The following EVC2 variants were observed in gnomAD, a reference collection of about 807,000 sequenced individuals.
EVC2 encodes the protein limbin.
EVC2 carries 148 observed loss-of-function variants against 149.3 expected under a neutral mutation model. That is an observed-to-expected ratio of 0.99 (90% CI 0.87 to 1.14). The LOEUF is 1.14. Among genes scored for constraint, EVC2 ranks in the 50% most tolerant of loss-of-function variants. EVC2 has a pLI of 0.00. For missense variants in EVC2, 1,854 were observed against 1,627.3 expected (o/e 1.14, Z -2.40); for synonymous variants, 776 against 649.9 (o/e 1.19, Z -2.95).
intron 17 of EVC2, among the ~76,000 whole-genome samples, chr4:5,580,778 T>C (rs1248834593): frequency 6.6e-6 from 1 of 152,218 alleles, no homozygotes; most frequent in Admixed American, 6.5e-5. Context: ...TGAATGGGTG[T>C]TAAATTCAAT....
chr4:5,584,622 C>G lies in EVC2; in HGVS notation c.3057+1G>C. The G allele has an allele frequency of 6.2e-7, 1 of 1,612,494 alleles. No individual in the cohort carries two copies. Among genetic ancestry groups the G allele is most frequent in the Non-Finnish European group, 8.5e-7 (1 of 1,179,380 alleles). On this transcript the variant is annotated splice_donor_variant, in intron 17 of 21. Coordinates refer to ENST00000344408, the MANE Select transcript of EVC2 (RefSeq NM_147127.5). LOFTEE classifies it high-confidence loss of function. Reference sequence around the variant, plus strand: ...CTCTCCTTCCCAGCGCCTGCACTCACCCGGCTGTGCGACTCCAGGATCTGT... The same window carrying G: ...CTCTCCTTCCCAGCGCCTGCACTCAGCCGGCTGTGCGACTCCAGGATCTGT...
At chr4:5,699,139 G>A (rs1721668367) in intron 1 of EVC2, among the ~76,000 whole-genome samples, 1 of 152,174 alleles carries the variant, frequency 6.6e-6, no homozygotes, top group African/African-American at 2.4e-5. Context: ...GGAGACTCCT[G>A]GAGGGACACG....
intron 10 of EVC2, among the ~76,000 whole-genome samples, chr4:5,632,872 T>C (rs1716653849): frequency 6.6e-6 from 1 of 152,164 alleles, no homozygotes; most frequent in Non-Finnish European, 1.5e-5. Flanking sequence ...GATTCTGGAA[T>C]GGCCCCTGAT....
intron 19 of EVC2, among the ~76,000 whole-genome samples, chr4:5,570,279 A>C (rs138885390): frequency 0.013 from 1,938 of 152,162 alleles, 17 homozygotes; most frequent in Non-Finnish European, 0.019. Flanking sequence ...CTGCAGATTC[A>C]CCTCTTCCTG....
chr4:5,675,035 G>A (rs1054668905), intron 7 of EVC2, among the ~76,000 whole-genome samples: 4 of 152,284 alleles, frequency 2.6e-5, no homozygotes, highest in African/African-American at 4.8e-5. Context: ...GACACGGGCC[G>A]CCACTGTGCT....
intron 3 of EVC2, among the ~76,000 whole-genome samples, chr4:5,693,723 T>C (rs779415070): frequency 6.6e-6 from 1 of 152,234 alleles, no homozygotes; most frequent in Non-Finnish European, 1.5e-5. Flanking sequence ...TTGGCCATCG[T>C]AGCTCATTGG....
chr4:5,541,895 T>G (rs1205501088), downstream of EVC2, among the ~76,000 whole-genome samples: 1 of 152,068 alleles, frequency 6.6e-6, no homozygotes, highest in Non-Finnish European at 1.5e-5. Flanking sequence ...TCCCGAGCAA[T>G]GGACTGAATG....
rs76244489 is a variant in EVC2, at chr4:5,568,785, T to A, written c.3361-145A>T. ...GTCTGGAAAACATGTTCCCGAACTT[T>A]CAGAGCTGTCAAAAAAAACCTATTT... On this transcript the variant is annotated intron_variant, in intron 19 of 21. Coordinates refer to ENST00000344408, the MANE Select transcript of EVC2 (RefSeq NM_147127.5). 2,428 of 1,090,294 alleles carry A rather than the reference T, an allele frequency of 2.2e-3. 47 individuals are homozygous for A. The African/African-American group carries it at 0.034, about 15-fold the overall frequency. 67.5% of individuals were successfully genotyped at this position (1,090,294 alleles called of 1,614,324 possible). A position where few individuals can be genotyped will look rare whatever the true frequency, so the allele number is the denominator to read the frequency against.
chr4:5,549,852 G>T (rs1721699587), intron 21 of EVC2, among the ~76,000 whole-genome samples: 1 of 152,184 alleles, frequency 6.6e-6, no homozygotes, highest in Admixed American at 6.5e-5. Flanking sequence ...GTTGTGGGAG[G>T]TAATTGAATC....
intron 16 of EVC2, among the ~76,000 whole-genome samples, chr4:5,605,167 T>C (rs1241028202): frequency 1.3e-5 from 2 of 152,224 alleles, no homozygotes; most frequent in African/African-American, 4.8e-5. Context: ...CTGTCAACAG[T>C]AGGCTATTAG....
rs1172004567 is a variant in EVC2, at chr4:5,562,879, T to C, written c.3896A>G (p.Lys1299Arg). Residue 1299 changes from lysine to arginine, a missense_variant, in exon 22 of 22, where the codon AAA becomes AGA. By Grantham distance (26) the Lys-to-Arg change is conservative. Coordinates refer to ENST00000344408, the MANE Select transcript of EVC2 (RefSeq NM_147127.5). This position sits in a 1 kb window ranked among gnomAD's most constrained non-coding sequence, Gnocchi z 4.3. ...CATGCCCAAGGCCCTCATGGCCTTT[T>C]TGGCATTCAAAAAGTTCTTCTTTTT... ...PRKKKNFLNA[K>R]KAMRALGMD The C allele has an allele frequency of 6.2e-7, 1 of 1,614,190 alleles. No homozygotes were observed. The highest frequency in any genetic ancestry group is 1.7e-5 in the Admixed American group (1 of 60,032).
chr4:5,618,605 G>A lies in EVC2; in HGVS notation c.2579C>T (p.Ala860Val), dbSNP rs749754185. The A allele has an allele frequency of 1.9e-6, 3 of 1,613,736 alleles. No homozygotes were observed. The Admixed American group carries it at 5.0e-5, about 27-fold the overall frequency. The change falls in exon 15 of 22, where the codon GCT becomes GTT. Residue 860 changes from alanine to valine, a missense_variant. Coordinates refer to ENST00000344408, the MANE Select transcript of EVC2 (RefSeq NM_147127.5). The surrounding 1 kb of genome is among the most constrained non-coding windows in gnomAD (Gnocchi z 4.4). ...RMRQEVHGCF[A>V]QMDRSLALPK... ...GAGGGCCAAGCTCCTGTCCATCTGA[G>A]CAAAGCAGCCATGGACCTCCTGCCT...
At chr4:5,701,824 T>C (rs62298619) in intron 1 of EVC2, among the ~76,000 whole-genome samples, 44,240 of 152,100 alleles carry the variant, frequency 0.29, 7,806 homozygotes, top group Admixed American at 0.4. Flanking sequence ...TGGATTTGTC[T>C]TTGATTCTTC....
rs1286695303 is a variant in EVC2, at chr4:5,686,356, A to G, written c.707-877T>C. On this transcript the variant is annotated intron_variant, in intron 5 of 21. Transcript: ENST00000344408. This position sits in a 1 kb window ranked among gnomAD's most constrained non-coding sequence, Gnocchi z 5.4. ...TTTAGGTGTGGACCATGCTCATCTC[A>G]TTTTATTTTTATATAACCTAGAGCT... 1.3e-5 allele frequency among the ~76,000 whole-genome samples: 2 copies of G among 151,988 alleles called. No homozygotes were observed. Among genetic ancestry groups the G allele is most frequent in the Non-Finnish European group, 2.9e-5 (2 of 68,002 alleles).
At position 5,689,312 on chromosome 4, in the gene EVC2, C is replaced by G; in HGVS notation, c.551G>C (p.Arg184Pro). 1 of 1,614,086 alleles carries G rather than the reference C, an allele frequency of 6.2e-7. No individual in the cohort carries two copies. The highest frequency in any genetic ancestry group is 8.5e-7 in the Non-Finnish European group (1 of 1,180,028). The change falls in exon 5 of 22, where the codon CGC becomes CCC. Residue 184 changes from arginine to proline, a missense_variant. By Grantham distance (103) the Arg-to-Pro change is moderately radical (BLOSUM62 -2). Coordinates refer to ENST00000344408, the MANE Select transcript of EVC2 (RefSeq NM_147127.5). Reference sequence around the variant, plus strand: ...GGTGTTGTTAACAAGCAGCCATATGCGGGCTGTCTGTGCTTCACTCGACCC... The same window carrying G: ...GGTGTTGTTAACAAGCAGCCATATGGGGGCTGTCTGTGCTTCACTCGACCC... Reference protein sequence around the residue: ...VSGSSEAQTARIWLLVNNTKT... With the variant: ...VSGSSEAQTAPIWLLVNNTKT...
chr4:5,588,592 T>C (rs1712503421), intron 16 of EVC2, among the ~76,000 whole-genome samples: 1 of 152,210 alleles, frequency 6.6e-6, no homozygotes, highest in Non-Finnish European at 1.5e-5. Context: ...TTAGATAGTT[T>C]CTATTGCTAT....
downstream of EVC2, among the ~76,000 whole-genome samples, chr4:5,558,584 T>C (rs901763901): frequency 5.3e-5 from 8 of 152,214 alleles, no homozygotes; most frequent in African/African-American, 1.9e-4. Flanking sequence ...ATTAAAAACA[T>C]CATTTAAGAA....
intron 16 of EVC2, among the ~76,000 whole-genome samples, chr4:5,601,889 G>C (rs913869868): frequency 5.3e-5 from 8 of 152,192 alleles, no homozygotes; most frequent in African/African-American, 1.7e-4. Context: ...CACATCAGAG[G>C]CAGAGAGTGA....
At chr4:5,541,501 G>A (rs1418769719), downstream of EVC2, among the ~76,000 whole-genome samples, 1 of 152,192 alleles carries the variant, frequency 6.6e-6, no homozygotes, top group East Asian at 1.9e-4. Context: ...ATTCAGAAAG[G>A]TTGAAACCAA....
Sources: allele counts gnomAD v4.1 joint callset (sites outside exome capture counted in the v4.1 genomes callset), GRCh38; gene constraint gnomAD v4.1.1; non-coding constraint Gnocchi (gnomAD v3.1); transcripts MANE v1.5; gene names NCBI Gene and HGNC (gene_info 2026-07-23, HGNC 2026-07-21).